Variants in ZNF827 observed in about 807,000 individuals in gnomAD.
ZNF827 encodes the protein zinc finger protein 827.
A neutral mutation model predicts 102.4 loss-of-function variants in ZNF827; 13 were observed. The observed-to-expected ratio is 0.13, with a 90% CI of 0.08 to 0.20. The LOEUF (loss-of-function observed/expected upper bound fraction) is 0.20, where lower values mean the gene tolerates loss of function less well. ZNF827 is among the 10% of genes least tolerant of loss of function. The pLI, the probability that ZNF827 is intolerant of heterozygous loss-of-function variation, is 1.00. For missense variants in ZNF827, 1,103 were observed against 1,344.4 expected (o/e 0.82, Z 2.81); for synonymous variants, 523 against 536.2 (o/e 0.98, Z 0.34).
At chr4:145,823,273 CTTAAA>C in intron 8 of ZNF827, 144 bp downstream of exon 8, 1 of 627,938 alleles carries the variant, frequency 1.6e-6, no homozygotes, top group South Asian at 2.2e-5. Flanking sequence ...ACTTTTGTAG[CTTAAA>C]TTGAGTTTCT....
At chr4:145,877,936 A>C (rs944909428) in intron 4 of ZNF827, among the ~76,000 whole-genome samples, 1 of 152,196 alleles carries the variant, frequency 6.6e-6, no homozygotes, top group Non-Finnish European at 1.5e-5. Flanking sequence ...AAAGAATGAA[A>C]TGTATGAGCA....
At chr4:145,899,620 T>TG (rs1366126969) in intron 2 of ZNF827, among the ~76,000 whole-genome samples, 3 of 152,212 alleles carry the variant, frequency 2.0e-5, no homozygotes, top group Non-Finnish European at 4.4e-5. Context: ...CGTGGACGTA[T>TG]GGAATATTTT....
At chr4:145,930,072 T>C (rs1280751880) in intron 1 of ZNF827, among the ~76,000 whole-genome samples, 1 of 152,168 alleles carries the variant, frequency 6.6e-6, no homozygotes, top group Non-Finnish European at 1.5e-5. Flanking sequence ...CCATACACAG[T>C]AGACAAAGTT....
chr4:145,849,902 T>G (rs1746360267), intron 5 of ZNF827, among the ~76,000 whole-genome samples: 2 of 152,226 alleles, frequency 1.3e-5, no homozygotes, highest in South Asian at 4.1e-4. Context: ...CCACACTGTT[T>G]CCAGAACTGA....
At chr4:145,766,093 C>T (rs1735252418) in intron 11 of ZNF827, among the ~76,000 whole-genome samples, 1 of 152,178 alleles carries the variant, frequency 6.6e-6, no homozygotes, top group Non-Finnish European at 1.5e-5. Flanking sequence ...CTGTGTGGCA[C>T]AACTGTTATC....
At chr4:145,937,956 TTAA>T (rs2127019625) in intron 1 of ZNF827, among the ~76,000 whole-genome samples, 1 of 149,738 alleles carries the variant, frequency 6.7e-6, no homozygotes, top group African/African-American at 2.5e-5. Context: ...TTTTTTTTTT[TTAA>T]GATTCCAACC....
At chr4:145,904,127 T>C (rs939331415) in intron 1 of ZNF827, among the ~76,000 whole-genome samples, 3 of 152,226 alleles carry the variant, frequency 2.0e-5, no homozygotes, top group Admixed American at 6.5e-5. Flanking sequence ...GGGGCATTCA[T>C]GAGCCCTGCC....
chr4:145,895,357 A>G (rs2126861873), intron 2 of ZNF827, among the ~76,000 whole-genome samples: 1 of 152,338 alleles, frequency 6.6e-6, no homozygotes, highest in Non-Finnish European at 1.5e-5. Flanking sequence ...AGTACATTAC[A>G]TTTAACCCTG....
chr4:145,903,948 C>T (rs1751628768), intron 1 of ZNF827, among the ~76,000 whole-genome samples: 1 of 152,174 alleles, frequency 6.6e-6, no homozygotes, highest in Non-Finnish European at 1.5e-5. Flanking sequence ...ATTTGAGGGT[C>T]CTCAACTCCA....
intron 7 of ZNF827, among the ~76,000 whole-genome samples, chr4:145,836,733 T>C (rs1744881486): frequency 1.3e-5 from 2 of 150,038 alleles, no homozygotes; most frequent in East Asian, 2.0e-4. Flanking sequence ...GATTTATTGA[T>C]GGCGGTTCCA....
intron 8 of ZNF827, 102 bp downstream of exon 8, chr4:145,823,320 T>A: frequency 2.1e-6 from 2 of 949,388 alleles, no homozygotes; most frequent in South Asian, 3.0e-5. Flanking sequence ...CTTATATGAA[T>A]AACTACATCC....
At chr4:145,856,270 C>T (rs532532134) in intron 5 of ZNF827, among the ~76,000 whole-genome samples, 13 of 152,296 alleles carry the variant, frequency 8.5e-5, no homozygotes, top group African/African-American at 2.6e-4. Context: ...GCTGGGATTA[C>T]AGGCATGAGC....
chr4:145,775,743 C>G, intron 10 of ZNF827, 46 bp downstream of exon 10: 1 of 1,609,144 alleles, frequency 6.2e-7, no homozygotes, highest in Non-Finnish European at 8.5e-7. Context: ...GTGTTGAAGT[C>G]AAGAGTCTGA....
chr4:145,927,995 G>C (rs2126984610), intron 1 of ZNF827, among the ~76,000 whole-genome samples: 1 of 152,334 alleles, frequency 6.6e-6, no homozygotes, highest in South Asian at 2.1e-4. Context: ...GAGAGTTTAA[G>C]GGAGAAGACT....
At chr4:145,856,562 C>T (rs1270060689) in intron 5 of ZNF827, among the ~76,000 whole-genome samples, 6 of 152,116 alleles carry the variant, frequency 3.9e-5, no homozygotes, top group Non-Finnish European at 2.9e-5. Flanking sequence ...AGAGGGGACT[C>T]TTTCTTCATA....
chr4:145,903,357 T>G, intron 1 of ZNF827, 142 bp from the exon 2 acceptor site: 15 of 1,419,970 alleles, frequency 1.1e-5, no homozygotes, highest in Non-Finnish European at 1.4e-5. Context: ...CTTAACAGAA[T>G]GTCAGACAGA....
chr4:145,857,509 C>G (rs1747268679), intron 5 of ZNF827, among the ~76,000 whole-genome samples: 1 of 152,206 alleles, frequency 6.6e-6, no homozygotes, highest in African/African-American at 2.4e-5. Flanking sequence ...TGGATATCTG[C>G]AAATGTTGTC....
chr4:145,868,201 T>C (rs1053860184), intron 5 of ZNF827, among the ~76,000 whole-genome samples: 7 of 152,228 alleles, frequency 4.6e-5, no homozygotes, highest in African/African-American at 1.7e-4. Flanking sequence ...CCATGGCCAC[T>C]AGAGTATGGC....
chr4:145,897,126 A>G lies in ZNF827; in HGVS notation c.1094-4711T>C, dbSNP rs1225642321. Among the ~76,000 whole-genome samples the G allele has an allele frequency of 2.0e-5, 3 of 152,220 alleles. No homozygotes were observed. The South Asian group carries it at 6.2e-4, about 32-fold the overall frequency. On this transcript the variant is annotated intron_variant, in intron 2 of 14. Transcript: ENST00000508784. Reference sequence around the variant, plus strand: ...AGAAGTCTCTCTACCAGTTAGTGGCAGAACTGAGATTACAGCTCATCTCTT... The same window carrying G: ...AGAAGTCTCTCTACCAGTTAGTGGCGGAACTGAGATTACAGCTCATCTCTT...
Sources: allele counts gnomAD v4.1 joint callset (sites outside exome capture counted in the v4.1 genomes callset), GRCh38; gene constraint gnomAD v4.1.1; transcripts MANE v1.5; gene names NCBI Gene and HGNC (gene_info 2026-07-23, HGNC 2026-07-21).